The following CDK19 variants were observed in gnomAD, a reference collection of about 807,000 sequenced individuals.
CDK19 encodes cyclin dependent kinase 19.
Under a neutral mutation model 68.3 loss-of-function variants are expected in CDK19, and 20 were observed. The ratio of observed to expected loss-of-function variants is 0.29; its 90% confidence interval spans 0.21 to 0.43. CDK19 has a LOEUF of 0.43. CDK19 is among the 20% of genes least tolerant of loss of function. CDK19 has a pLI of 1.00. For missense variants in CDK19, 339 were observed against 623.5 expected (o/e 0.54, Z 4.86); for synonymous variants, 221 against 222.8 (o/e 0.99, Z 0.07).
intron 5 of CDK19, 126 bp downstream of exon 5, chr6:110,638,523 T>A (rs1459159769): frequency 1.1e-5 from 7 of 636,372 alleles, no homozygotes; most frequent in Non-Finnish European, 1.4e-5. Flanking sequence ...TTTTCCAATA[T>A]CTTTTCTAAA....
At chr6:110,667,045 G>A (rs1038372125) in intron 4 of CDK19, among the ~76,000 whole-genome samples, 3 of 151,848 alleles carry the variant, frequency 2.0e-5, no homozygotes, top group Non-Finnish European at 4.4e-5. Flanking sequence ...CATTATTTCA[G>A]TTTAGATCTT....
intron 5 of CDK19, among the ~76,000 whole-genome samples, chr6:110,634,529 T>G (rs1425854240): frequency 6.6e-6 from 1 of 152,374 alleles, no homozygotes; most frequent in East Asian, 1.9e-4. Flanking sequence ...GTAGTGATTT[T>G]GTTTCTTTGG....
At chr6:110,723,856 T>G (rs531906377) in intron 2 of CDK19, among the ~76,000 whole-genome samples, 1 of 152,308 alleles carries the variant, frequency 6.6e-6, no homozygotes, top group African/African-American at 2.4e-5. Flanking sequence ...CTTCTCGGCC[T>G]TTTGGCTAAG....
chr6:110,641,154 A>C (rs1191107227), intron 4 of CDK19, among the ~76,000 whole-genome samples: 2 of 151,962 alleles, frequency 1.3e-5, no homozygotes, highest in Non-Finnish European at 2.9e-5. Flanking sequence ...TTGGTTCACC[A>C]TACTAGAAAA....
intron 4 of CDK19, among the ~76,000 whole-genome samples, chr6:110,654,833 C>T (rs571992407): frequency 1.5e-4 from 23 of 151,594 alleles, no homozygotes; most frequent in African/African-American, 4.8e-4. Context: ...CCCAGCTACT[C>T]GGGAGGCTAA....
intron 2 of CDK19, among the ~76,000 whole-genome samples, chr6:110,689,611 C>T (rs1322456255): frequency 6.6e-6 from 1 of 152,178 alleles, no homozygotes; most frequent in African/African-American, 2.4e-5. Context: ...CTGAATCTGC[C>T]CACATGACAG....
chr6:110,763,040 T>A (rs1221778385), intron 1 of CDK19, among the ~76,000 whole-genome samples: 7 of 152,200 alleles, frequency 4.6e-5, no homozygotes, highest in Non-Finnish European at 2.9e-5. Context: ...GGCATTGTAG[T>A]ACATATTGGG....
chr6:110,616,459 G>A (rs1778317022), intron 12 of CDK19, among the ~76,000 whole-genome samples: 1 of 152,114 alleles, frequency 6.6e-6, no homozygotes, highest in South Asian at 2.1e-4. Context: ...CCTGAGGTCA[G>A]GAGTTCAAGA....
chr6:110,675,840 T>C (rs750732019), intron 2 of CDK19, among the ~76,000 whole-genome samples: 23 of 152,172 alleles, frequency 1.5e-4, no homozygotes, highest in Non-Finnish European at 3.2e-4. Flanking sequence ...AAAGCTCTGA[T>C]TGAGATGTAC....
At chr6:110,633,621 TA>T (rs368298234) in intron 5 of CDK19, among the ~76,000 whole-genome samples, 1 of 151,986 alleles carries the variant, frequency 6.6e-6, no homozygotes, top group Non-Finnish European at 1.5e-5. Context: ...ATAAAAGTAA[TA>T]AAAAAAATTA....
intron 4 of CDK19, among the ~76,000 whole-genome samples, chr6:110,660,624 A>G (rs974385614): frequency 5.5e-5 from 8 of 144,300 alleles, no homozygotes; most frequent in African/African-American, 2.1e-4. Context: ...AAGGGGATGG[A>G]GCAGGAAGCT....
chr6:110,727,031 T>C (rs2114775000), intron 2 of CDK19, among the ~76,000 whole-genome samples: 1 of 152,304 alleles, frequency 6.6e-6, no homozygotes, highest in Non-Finnish European at 1.5e-5. Context: ...AGTTTTATTA[T>C]AGGTCAACAA....
intron 2 of CDK19, among the ~76,000 whole-genome samples, chr6:110,713,635 T>C (rs781065576): frequency 2.0e-5 from 3 of 152,098 alleles, no homozygotes; most frequent in Non-Finnish European, 2.9e-5. Context: ...TCACCAAACA[T>C]AACGTTTTGT....
At chr6:110,766,219 T>C (rs1417004901) in intron 1 of CDK19, among the ~76,000 whole-genome samples, 1 of 152,170 alleles carries the variant, frequency 6.6e-6, no homozygotes, top group Admixed American at 6.5e-5. Flanking sequence ...AAGAGATGAA[T>C]GGATAAAGAA....
intron 2 of CDK19, among the ~76,000 whole-genome samples, chr6:110,729,950 A>C (rs923972453): frequency 6.6e-6 from 1 of 152,158 alleles, no homozygotes; most frequent in Non-Finnish European, 1.5e-5. Flanking sequence ...ATTGAGTTAT[A>C]CAACTGGGTT....
At chr6:110,785,793 C>T (rs1562286965) in intron 1 of CDK19, among the ~76,000 whole-genome samples, 1 of 152,056 alleles carries the variant, frequency 6.6e-6, no homozygotes, top group African/African-American at 2.4e-5. Context: ...CCAGCCTGAC[C>T]AACATAGAGA....
chr6:110,742,632 G>T lies in CDK19; in HGVS notation c.204+3494C>A, dbSNP rs368916224. On this transcript the variant is annotated intron_variant, in intron 2 of 12. Coordinates refer to ENST00000368911, the MANE Select transcript of CDK19 (RefSeq NM_015076.5). ...TACCCTGGGGAAAGAATGCATTCCT[G>T]GGGGGAGGTCTATAAACGGCCACTC... Among the ~76,000 whole-genome samples the T allele has an allele frequency of 5.3e-5, 8 of 152,172 alleles. No individual in the cohort carries two copies. The South Asian group carries it at 6.2e-4, about 12-fold the overall frequency.
At chr6:110,710,939 G>C (rs1017258912) in intron 2 of CDK19, among the ~76,000 whole-genome samples, 4 of 152,092 alleles carry the variant, frequency 2.6e-5, no homozygotes, top group African/African-American at 9.7e-5. Context: ...ACAACAAAAA[G>C]GGCAGAGGGG....
chr6:110,652,089 A>AAACAAC (rs768717271), intron 4 of CDK19, among the ~76,000 whole-genome samples: 2 of 152,062 alleles, frequency 1.3e-5, no homozygotes, highest in Non-Finnish European at 2.9e-5. Flanking sequence ...AGAAACAAAC[A>AAACAAC]AACAACAACA....
Sources: gnomAD v4.1 joint callset for allele counts (sites outside exome capture counted in the v4.1 genomes callset) on GRCh38, gnomAD v4.1.1 for gene constraint, MANE v1.5 for transcripts, NCBI Gene and HGNC (gene_info 2026-07-23, HGNC 2026-07-21) for gene names.